The following SMAP2 variants were observed in gnomAD, a reference collection of about 807,000 sequenced individuals.
SMAP2 encodes the protein stromal membrane-associated protein 2.
SMAP2 carries 25 observed loss-of-function variants against 56.4 expected under a neutral mutation model. That is an observed-to-expected ratio of 0.44 (90% confidence interval 0.32 to 0.62). The LOEUF is 0.62. SMAP2 is among the 20% of genes least tolerant of loss of function. The pLI, the probability that SMAP2 is intolerant of heterozygous loss-of-function variation, is 0.04. For missense variants in SMAP2, 388 were observed against 545.6 expected, an observed-to-expected ratio of 0.71 and a Z score of 2.88; for synonymous variants, 157 against 181.7, an observed-to-expected ratio of 0.86 and a Z score of 1.09.
At chr1:40,414,073 C>A in intron 5 of SMAP2, 86 bp from the exon 6 acceptor site, 1 of 1,207,800 alleles carries the variant, frequency 8.3e-7, no homozygotes. Context: ...GCCCTACCCA[C>A]AAGAACACCG....
intron 1 of SMAP2, among the ~76,000 whole-genome samples, chr1:40,380,300 G>T (rs1318397257): frequency 6.6e-6 from 1 of 152,140 alleles, no homozygotes; most frequent in East Asian, 1.9e-4. Flanking sequence ...TACCCTTGAG[G>T]ATGGTCTCTG....
intron 1 of SMAP2, among the ~76,000 whole-genome samples, chr1:40,405,272 T>G (rs562524471): frequency 1.3e-5 from 2 of 152,270 alleles, no homozygotes; most frequent in South Asian, 4.1e-4. Context: ...GAGAATTGTT[T>G]GAGGACAGGA....
chr1:40,393,601 A>G (rs1478847023), intron 1 of SMAP2: 5 of 1,213,694 alleles, frequency 4.1e-6, no homozygotes, highest in Non-Finnish European at 5.6e-6. Context: ...GCTGGAGTAC[A>G]GTGGCTCAAT....
At chr1:40,355,352 C>T (rs1303248446) in intron 1 of SMAP2, among the ~76,000 whole-genome samples, 7 of 152,044 alleles carry the variant, frequency 4.6e-5, no homozygotes, top group African/African-American at 1.4e-4. Context: ...GCTTATTCCT[C>T]GTTATCACTA....
At chr1:40,405,723 G>A (rs1201875668) in intron 1 of SMAP2, among the ~76,000 whole-genome samples, 2 of 152,166 alleles carry the variant, frequency 1.3e-5, no homozygotes, top group East Asian at 1.9e-4. Context: ...TGATTTTTTA[G>A]TAAGTTTTTG....
Position 40,374,350 on chromosome 1 carries a change from G to T in SMAP2, c.103+127G>T. 1.2e-6 allele frequency: 1 copy of T among 806,274 alleles called. No homozygotes were observed. The highest frequency in any genetic ancestry group is 2.1e-6 in the Non-Finnish European group (1 of 478,778). The allele number at this position is 806,274 out of a possible 1,614,324, so 49.9% of individuals were successfully genotyped here. The stretch of plus-strand genomic sequence containing the variant: ...GCTTATAAGTGGTAACGCGTGCTGC[G>T]CTTGCAGTGAGCCTACTGGGCTTTC... On this transcript the variant is annotated intron_variant, in intron 1 of 9. Transcript: ENST00000372718. This position sits in a 1 kb window ranked among gnomAD's most constrained non-coding sequence, Gnocchi z 5.9.
intron 1 of SMAP2, among the ~76,000 whole-genome samples, chr1:40,347,753 G>A (rs1315043363): frequency 6.6e-6 from 1 of 152,158 alleles, no homozygotes; most frequent in East Asian, 1.9e-4. Flanking sequence ...TTAGTGTAGT[G>A]TTTTAGGATA....
intron 2 of SMAP2, among the ~76,000 whole-genome samples, chr1:40,363,610 C>CA (rs560267403): frequency 2.0e-5 from 3 of 152,104 alleles, no homozygotes; most frequent in Non-Finnish European, 2.9e-5. Flanking sequence ...ACTATCCACA[C>CA]AAAAAATCAC....
chr1:40,348,803 C>T (rs1362634186), intron 1 of SMAP2, among the ~76,000 whole-genome samples: 5 of 152,026 alleles, frequency 3.3e-5, no homozygotes, highest in African/African-American at 9.7e-5. Flanking sequence ...AGATGGAGTC[C>T]TCTGTCGCCT....
intron 1 of SMAP2, among the ~76,000 whole-genome samples, chr1:40,355,391 AAT>A (rs549015504): frequency 2.1e-4 from 32 of 152,046 alleles, no homozygotes; most frequent in Non-Finnish European, 3.8e-4. Flanking sequence ...ATGTATTTAT[AAT>A]TGCTTATTTT....
At chr1:40,354,775 T>TTTA (rs1269792044) in intron 1 of SMAP2, among the ~76,000 whole-genome samples, 1 of 104,696 alleles carries the variant, frequency 9.6e-6, no homozygotes, top group Non-Finnish European at 2.0e-5. Context: ...GAATTTTTTT[T>TTTA]TTTTTTTTTT....
rs1467806562 is a variant in SMAP2 at position 40,374,741 on chromosome 1, C to T, written c.103+518C>T. 6.4e-7 allele frequency: 1 copy of T among 1,550,486 alleles called. No homozygotes were observed. The highest frequency in any genetic ancestry group is 8.7e-7 in the Non-Finnish European group (1 of 1,146,974). ...TTTTTGCTTCCTGCTATTTGGTTAGCAACTCCTGTCATTTTGCAGCCTTGC... is the reference window on the plus strand; with the variant it reads ...TTTTTGCTTCCTGCTATTTGGTTAGTAACTCCTGTCATTTTGCAGCCTTGC... On this transcript the variant is annotated intron_variant, in intron 1 of 9. Coordinates refer to ENST00000372718, the MANE Select transcript of SMAP2 (RefSeq NM_022733.3). This position sits in a 1 kb window ranked among gnomAD's most constrained non-coding sequence, Gnocchi z 5.9.
At chr1:40,345,316 G>A (rs1644381240) in intron 1 of SMAP2, among the ~76,000 whole-genome samples, 1 of 151,882 alleles carries the variant, frequency 6.6e-6, no homozygotes, top group Non-Finnish European at 1.5e-5. Flanking sequence ...TAAGGAGGGT[G>A]GAACAGTTTG....
chr1:40,416,675 A>G (rs1339621670), intron 8 of SMAP2, 105 bp from the exon 9 acceptor site: 1 of 1,158,162 alleles, frequency 8.6e-7, no homozygotes, highest in Non-Finnish European at 1.2e-6. Context: ...TTGTGAGTAG[A>G]GTAATCCTGA....
chr1:40,414,330 A>G (rs1644966460), intron 6 of SMAP2, 90 bp downstream of exon 6: 2 of 1,210,244 alleles, frequency 1.7e-6, no homozygotes, highest in South Asian at 1.3e-5. Flanking sequence ...GGGGTTCTCC[A>G]GTTTTGTCTT....
Position 40,416,122 on chromosome 1 carries a change from A to G in SMAP2, c.682-54A>G. The G allele has an allele frequency of 1.9e-6, 3 of 1,563,280 alleles. No homozygotes were observed. In the South Asian group the frequency reaches 3.6e-5, roughly 19 times the overall value. ...AGCAGAGAGGGAAGGGAGACCCTTAAAGAGACCCCCATGAGAACCATTTCA... is the reference window on the plus strand; with the variant it reads ...AGCAGAGAGGGAAGGGAGACCCTTAGAGAGACCCCCATGAGAACCATTTCA... On this transcript the variant is annotated intron_variant, in intron 7 of 9. Coordinates refer to ENST00000372718, the MANE Select transcript of SMAP2 (RefSeq NM_022733.3).
intron 1 of SMAP2, among the ~76,000 whole-genome samples, chr1:40,347,042 T>C (rs1377490479): frequency 6.7e-6 from 1 of 150,374 alleles, no homozygotes; most frequent in African/African-American, 2.5e-5. Flanking sequence ...ATTTATTTAT[T>C]TATTTATTTA....
At position 40,360,508 on chromosome 1, in the gene SMAP2, G is replaced by A. The variant is rs978194166; in HGVS notation, c.-82-1792G>A. On this transcript the variant is annotated intron_variant, in intron 1 of 6. Transcript: ENST00000435168. ...AGTAGACTCATGGTTTTGCCATGTT[G>A]GCCAGGCTGGTCTCAAACTTCTGAC... 4.7e-5 allele frequency among the ~76,000 whole-genome samples: 7 copies of A among 150,422 alleles called. No homozygotes were observed. In the South Asian group the frequency reaches 1.5e-3, roughly 32 times the overall value.
chr1:40,358,627 CTT>C (rs1644447082), intron 1 of SMAP2, among the ~76,000 whole-genome samples: 1 of 152,072 alleles, frequency 6.6e-6, no homozygotes, highest in Non-Finnish European at 1.5e-5. Context: ...TTTTTAAAGA[CTT>C]ATTTTATGGC....
Sources: allele counts gnomAD v4.1 joint callset (sites outside exome capture counted in the v4.1 genomes callset), GRCh38; gene constraint gnomAD v4.1.1; non-coding constraint Gnocchi (gnomAD v3.1); transcripts MANE v1.5; gene names NCBI Gene and HGNC (gene_info 2026-07-23, HGNC 2026-07-21).